The following TRIO variants were observed in gnomAD, a reference collection of about 807,000 sequenced individuals.
The protein encoded by TRIO is triple functional domain protein.
Under a neutral mutation model 351.9 loss-of-function variants are expected in TRIO, and 58 were observed. The ratio of observed to expected loss-of-function variants is 0.16; its 90% CI spans 0.13 to 0.21. The LOEUF (loss-of-function observed/expected upper bound fraction) is 0.21. TRIO is among the 10% of genes least tolerant of loss of function. The pLI is 1.00. For synonymous variants in TRIO, 1,758 were observed against 1,595.7 expected (o/e 1.10, Z -2.42); for missense variants, 3,201 against 4,027.8 (o/e 0.79, Z 5.56).
intron 33 of TRIO, among the ~76,000 whole-genome samples, chr5:14,413,845 A>T (rs1399498907): frequency 6.6e-6 from 1 of 152,188 alleles, no homozygotes; most frequent in African/African-American, 2.4e-5. Context: ...ACAGTTGGAG[A>T]TGGTGATAAA....
intron 13 of TRIO, among the ~76,000 whole-genome samples, chr5:14,363,242 C>T (rs965818745): frequency 4.6e-5 from 7 of 152,138 alleles, no homozygotes; most frequent in African/African-American, 1.4e-4. Flanking sequence ...TCAAGTGATC[C>T]GCCCACCTTG....
intron 1 of TRIO, among the ~76,000 whole-genome samples, chr5:14,204,647 A>G (rs1791346787): frequency 6.6e-6 from 1 of 152,172 alleles, no homozygotes; most frequent in African/African-American, 2.4e-5. Context: ...ATATTATCCT[A>G]TGAAGTCCTG....
Position 14,479,266 on chromosome 5 carries a change from A to G in TRIO, c.6159A>G (p.Arg2053=). The change falls in exon 42 of 57, where the codon AGA becomes AGG. Residue 2053 remains arginine (R), a synonymous_variant. Coordinates refer to ENST00000344204, the MANE Select transcript of TRIO (RefSeq NM_007118.4). ...TTTGCCTTTTTTATTCCTAGGAGAG[A>G]AGGTTGCACATGTACATAGCTTATT... ...KLGSLFVKHE[R]RLHMYIAYCQ... is the part of the protein sequence containing the mutation. The G allele has an allele frequency of 6.2e-7, 1 of 1,613,726 alleles. No homozygotes were observed. Among genetic ancestry groups the G allele is most frequent in the South Asian group, 1.1e-5 (1 of 91,002 alleles).
At chr5:14,475,424 G>A (rs1014334154) in intron 40 of TRIO, among the ~76,000 whole-genome samples, 2 of 152,160 alleles carry the variant, frequency 1.3e-5, no homozygotes, top group Non-Finnish European at 1.5e-5. Context: ...GAAGCAGATG[G>A]GAATATGCTC....
chr5:14,390,587 C>T (rs916399769), intron 26 of TRIO: 10 of 530,446 alleles, frequency 1.9e-5, no homozygotes, highest in Middle Eastern at 4.9e-4. Flanking sequence ...TCTGGGGGAT[C>T]GTCTAGTCTA....
At chr5:14,322,245 G>T (rs1314378073) in intron 9 of TRIO, among the ~76,000 whole-genome samples, 1 of 152,186 alleles carries the variant, frequency 6.6e-6, no homozygotes, top group Non-Finnish European at 1.5e-5. Context: ...AGATTCTTTG[G>T]GGTTAAAAGT....
rs1222038762 is a variant in TRIO at position 14,143,416 on chromosome 5, C to A, written c.-310C>A. On this transcript the variant is annotated 5_prime_UTR_variant, in exon 1 of 57. Transcript: ENST00000344204. ...GGAGGTCTCGCCGGCCACGGGCCCC[C>A]GCCCTCGCGACTGCGCGTCCGGGAG... is the stretch of plus-strand genomic sequence containing the variant. 1.3e-5 allele frequency among the ~76,000 whole-genome samples: 2 copies of A among 150,360 alleles called. No homozygotes were observed. The highest frequency in any genetic ancestry group is 3.0e-5 in the Non-Finnish European group (2 of 67,484).
Position 14,218,079 on chromosome 5 carries a change from C to T in TRIO, c.158-52746C>T, listed in dbSNP as rs74361059. Among the ~76,000 whole-genome samples, 1,066 of 152,240 alleles carry T rather than the reference C, an allele frequency of 7.0e-3. 15 individuals carry two copies. The highest frequency in any genetic ancestry group is 0.023 in the African/African-American group (961 of 41,550). ...CATGTGTGTGTTGGGGGGAGAGTCT[C>T]GTTTACCTTCCCAAAACAGGTTGGA... is the stretch of plus-strand genomic sequence containing the variant. On this transcript the variant is annotated intron_variant, in intron 1 of 56. Transcript: ENST00000344204.
chr5:14,374,165 T>G, intron 18 of TRIO, 64 bp from the exon 19 acceptor site: 1 of 1,233,768 alleles, frequency 8.1e-7, no homozygotes, highest in Non-Finnish European at 1.2e-6. Context: ...TGCAGTGATG[T>G]GTACTCCAAA....
At chr5:14,345,917 A>G (rs1742373875) in intron 11 of TRIO, among the ~76,000 whole-genome samples, 1 of 152,242 alleles carries the variant, frequency 6.6e-6, no homozygotes, top group Admixed American at 6.5e-5. Flanking sequence ...AGCTTCATAA[A>G]CTAAATATTT....
rs147485424 is a variant in TRIO at position 14,505,331 on chromosome 5, T to C, written c.8612+738T>C. Among the ~76,000 whole-genome samples the C allele has an allele frequency of 6.6e-5, 10 of 152,346 alleles. No individual in the cohort carries two copies. The East Asian group carries it at 1.7e-3, about 27-fold the overall frequency. ...TCCTGCAAGGCAGGGACAACCCCCA[T>C]GGATTCATCCACCCCAAACATCTGT... On this transcript the variant is annotated intron_variant, in intron 55 of 56. Transcript: ENST00000344204.
intron 1 of TRIO, among the ~76,000 whole-genome samples, chr5:14,238,996 A>T (rs1316863754): frequency 1.3e-5 from 2 of 152,220 alleles, no homozygotes; most frequent in African/African-American, 4.8e-5. Context: ...GGTGACGCCG[A>T]TGAGGCTTGT....
At chr5:14,376,865 G>A (rs1321198879) in intron 19 of TRIO, among the ~76,000 whole-genome samples, 1 of 152,176 alleles carries the variant, frequency 6.6e-6, no homozygotes, top group Non-Finnish European at 1.5e-5. Context: ...ATGATTACCT[G>A]TTCCCTTACT....
At chr5:14,157,681 G>A (rs1788199927) in intron 1 of TRIO, among the ~76,000 whole-genome samples, 1 of 151,996 alleles carries the variant, frequency 6.6e-6, no homozygotes, top group South Asian at 2.1e-4. Flanking sequence ...TCCATCTTCT[G>A]GGCTCAAGTG....
intron 1 of TRIO, among the ~76,000 whole-genome samples, chr5:14,251,043 T>G (rs949199801): frequency 6.6e-6 from 1 of 152,104 alleles, no homozygotes; most frequent in African/African-American, 2.4e-5. Context: ...ATTTTTTTCT[T>G]TAAAGAAAAC....
chr5:14,161,519 A>G (rs1047991967), intron 1 of TRIO, among the ~76,000 whole-genome samples: 2 of 152,084 alleles, frequency 1.3e-5, no homozygotes, highest in African/African-American at 4.8e-5. Context: ...CGTGAGTTTG[A>G]GTTGCTGGGA....
At chr5:14,264,806 G>A (rs1795567045) in intron 1 of TRIO, among the ~76,000 whole-genome samples, 1 of 152,192 alleles carries the variant, frequency 6.6e-6, no homozygotes, top group Admixed American at 6.5e-5. Flanking sequence ...AGAGGGTGAC[G>A]TCACCTCCCT....
intron 28 of TRIO, among the ~76,000 whole-genome samples, chr5:14,394,690 A>G (rs1264741761): frequency 6.6e-6 from 1 of 152,202 alleles, no homozygotes; most frequent in East Asian, 1.9e-4. Flanking sequence ...TTGTCCATAC[A>G]GACCGCAAGT....
chr5:14,290,699 A>G lies in TRIO; in HGVS notation c.541-17A>G. On this transcript the variant is annotated splice_polypyrimidine_tract_variant and intron_variant, in intron 4 of 56. Transcript: ENST00000344204. ...AAATTGGTTCATCTTCTCATACGTG[A>G]TTTTTTTTCCCTTAAGACAAATATG... 1 of 1,570,468 alleles carries G rather than the reference A, an allele frequency of 6.4e-7. No individual in the cohort carries two copies. Among genetic ancestry groups the G allele is most frequent in the Non-Finnish European group, 8.6e-7 (1 of 1,158,316 alleles).
Sources: allele counts gnomAD v4.1 joint callset (sites outside exome capture counted in the v4.1 genomes callset), GRCh38; gene constraint gnomAD v4.1.1; transcripts MANE v1.5; gene names NCBI Gene and HGNC (gene_info 2026-07-23, HGNC 2026-07-21).